Variants in TNS3 observed in about 807,000 individuals in gnomAD.
The protein encoded by TNS3 is tensin-3.
TNS3 carries 45 observed loss-of-function variants against 140.9 expected under a neutral mutation model. The ratio of observed to expected loss-of-function variants is 0.32; its 90% CI spans 0.25 to 0.41. The LOEUF is 0.41. TNS3 is among the 10% of genes least tolerant of loss of function. TNS3 has a pLI of 1.00. For missense variants in TNS3, 1,716 were observed against 1,906.7 expected (o/e 0.90, Z 1.86); for synonymous variants, 815 against 788.4 (o/e 1.03, Z -0.56).
At chr7:47,313,764 A>C (rs891755040) in intron 20 of TNS3, among the ~76,000 whole-genome samples, 2 of 152,218 alleles carry the variant, frequency 1.3e-5, no homozygotes, top group Non-Finnish European at 2.9e-5. Context: ...CCAAATGAGA[A>C]GAGGCTGAAG....
chr7:47,396,842 T>C lies in TNS3; in HGVS notation c.982A>G (p.Ile328Val), dbSNP rs1419880438. The C allele has an allele frequency of 6.2e-7, 1 of 1,614,186 alleles. No homozygotes were observed. The change falls in exon 16 of 31, where the codon ATA (isoleucine) becomes GTA (valine). Residue 328 changes from isoleucine to valine, a missense_variant. This residue lies in a region of TNS3 where 1,163 missense variants were observed against 1,182.1 expected (regional missense o/e 0.98). Transcript: ENST00000311160. ...AGGTTCTCGTACGAGTCCCAGCGTA[T>C]CAGTGGGTCTGTTGTGTTGTAGTCC... ...IVDYNTTDPL[I>V]RWDSYENLSA...
intron 20 of TNS3, among the ~76,000 whole-genome samples, chr7:47,317,371 A>G (rs956848830): frequency 6.6e-6 from 1 of 152,230 alleles, no homozygotes; most frequent in Admixed American, 6.5e-5. Context: ...TGTAGATGCA[A>G]TAGTTCATTA....
intron 1 of TNS3, among the ~76,000 whole-genome samples, chr7:47,558,247 AGCCGGT>A (rs1413779732): frequency 6.6e-6 from 1 of 152,234 alleles, no homozygotes; most frequent in Non-Finnish European, 1.5e-5. Flanking sequence ...AGCTACAGCA[AGCCGGT>A]GCCGAGGAGG....
chr7:47,351,094 A>G (rs1190770612), intron 17 of TNS3, among the ~76,000 whole-genome samples: 1 of 152,178 alleles, frequency 6.6e-6, no homozygotes, highest in Admixed American at 6.5e-5. Flanking sequence ...AATTAGGGAA[A>G]CAACACACAG....
At position 47,346,311 on chromosome 7, in the gene TNS3, C is replaced by T. The variant is rs1030675984; in HGVS notation, c.2327G>A (p.Ser776Asn). ...AGCATCGTTGTCGTACTGCCCCAGG[C>T]TCAGCTTCCTGAGTCTCCCGCCCAG... ...QPLGGRLRKL[S>N]LGQYDNDAGG... is the part of the protein sequence containing the mutation. Residue 776 changes from serine (S) to asparagine (N), a missense_variant, in exon 18 of 31, where the codon AGC becomes AAC. By Grantham distance (46) the Ser-to-Asn change is conservative (BLOSUM62 1). Coordinates refer to ENST00000311160, the MANE Select transcript of TNS3 (RefSeq NM_022748.12). 1.4e-5 allele frequency: 22 copies of T among 1,614,102 alleles called. No individual in the cohort carries two copies. In the Admixed American group the frequency reaches 3.0e-4, roughly 22 times the overall value.
chr7:47,358,582 C>T lies in TNS3; in HGVS notation c.2281+9783G>A, dbSNP rs140096830. The stretch of plus-strand genomic sequence containing the variant: ...CAGGCTGATGAACTGTGGGGAGCGA[C>T]GCAGCCGGTGACTTCTGGCAGAAGC... On this transcript the variant is annotated intron_variant, in intron 17 of 30. Transcript: ENST00000311160. Among the ~76,000 whole-genome samples, 1,383 of 152,300 alleles carry T rather than the reference C, an allele frequency of 9.1e-3. 11 individuals carry two copies. The highest frequency in any genetic ancestry group is 0.028 in the African/African-American group (1,164 of 41,562).
intron 4 of TNS3, among the ~76,000 whole-genome samples, chr7:47,464,292 T>C (rs1308250033): frequency 6.6e-6 from 1 of 152,174 alleles, no homozygotes; most frequent in Non-Finnish European, 1.5e-5. Flanking sequence ...ATCAGAATAT[T>C]TTCTGGAGCA....
chr7:47,287,739 T>C (rs936077300), intron 27 of TNS3, among the ~76,000 whole-genome samples: 3 of 152,196 alleles, frequency 2.0e-5, no homozygotes, highest in Non-Finnish European at 4.4e-5. Flanking sequence ...ACAGCAGACA[T>C]TCGCAGCTCT....
At chr7:47,287,963 A>G (rs958592570) in intron 27 of TNS3, among the ~76,000 whole-genome samples, 2 of 152,284 alleles carry the variant, frequency 1.3e-5, no homozygotes, top group Non-Finnish European at 2.9e-5. Context: ...CTTAAAAATG[A>G]TAAGTCAAGA....
chr7:47,413,956 C>G lies in TNS3; in HGVS notation c.628G>C (p.Val210Leu). The G allele has an allele frequency of 6.2e-7, 1 of 1,613,926 alleles. No individual in the cohort carries two copies. Among genetic ancestry groups the G allele is most frequent in the South Asian group, 1.1e-5 (1 of 91,058 alleles). ...ACTCACTAGATCCCGGAGGTGTACA[C>G]AGGCTGCATGGCTTGGTAGAGCTTC... The part of the protein sequence containing the change: ...FLKLYQAMQP[V>L]YTSGIYNVGP... Residue 210 changes from valine to leucine, a missense_variant, in exon 12 of 31, where the codon GTG becomes CTG. Around this residue, in one of 3 missense-constraint regions of TNS3, gnomAD observed 337 missense variants for 428.9 expected, o/e 0.79. Transcript: ENST00000311160.
At chr7:47,544,006 AT>A (rs1799859328) in intron 1 of TNS3, among the ~76,000 whole-genome samples, 1 of 152,214 alleles carries the variant, frequency 6.6e-6, no homozygotes, top group Non-Finnish European at 1.5e-5. Context: ...TAAATAAAAA[AT>A]GCTTTCCTTA....
intron 1 of TNS3, among the ~76,000 whole-genome samples, chr7:47,564,166 C>G (rs1800375037): frequency 6.9e-6 from 1 of 144,190 alleles, no homozygotes; most frequent in African/African-American, 2.6e-5. Context: ...TGCACTGCAG[C>G]CTGGGTGACA....
At chr7:47,446,615 C>A (rs1385173528) in intron 4 of TNS3, among the ~76,000 whole-genome samples, 3 of 150,202 alleles carry the variant, frequency 2.0e-5, no homozygotes, top group Non-Finnish European at 4.4e-5. Flanking sequence ...AAAAGGGAGG[C>A]CCAGGTAGAA....
At chr7:47,292,377 C>A (rs1470287015) in intron 26 of TNS3, among the ~76,000 whole-genome samples, 3 of 152,198 alleles carry the variant, frequency 2.0e-5, no homozygotes, top group Admixed American at 2.0e-4. Flanking sequence ...ACGGTCACAT[C>A]GCCCTGACAT....
At chr7:47,412,977 C>T (rs754781488) in intron 12 of TNS3, among the ~76,000 whole-genome samples, 1 of 151,902 alleles carries the variant, frequency 6.6e-6, no homozygotes, top group Non-Finnish European at 1.5e-5. Flanking sequence ...TTTTTTCAGA[C>T]CGAGTCTCGC....
intron 3 of TNS3, among the ~76,000 whole-genome samples, chr7:47,487,029 T>C (rs1797637127): frequency 6.6e-6 from 1 of 152,298 alleles, no homozygotes; most frequent in African/African-American, 2.4e-5. Flanking sequence ...CCGGGCGCAG[T>C]AGCTCAAACC....
intron 1 of TNS3, among the ~76,000 whole-genome samples, chr7:47,543,302 C>A (rs1176070326): frequency 2.0e-5 from 3 of 152,256 alleles, no homozygotes; most frequent in Non-Finnish European, 4.4e-5. Context: ...TCTCACCTAT[C>A]CAGCAAACAT....
intron 22 of TNS3, 146 bp downstream of exon 22, chr7:47,302,804 G>T: frequency 8.6e-7 from 1 of 1,168,960 alleles, no homozygotes; most frequent in Non-Finnish European, 1.2e-6. Flanking sequence ...CGAGGAAAAT[G>T]GAAAAGTACC....
chr7:47,475,256 A>G (rs1191756913), intron 4 of TNS3, among the ~76,000 whole-genome samples: 1 of 152,256 alleles, frequency 6.6e-6, no homozygotes, highest in Non-Finnish European at 1.5e-5. Context: ...GAACTAGCCC[A>G]CTGGCCTCGG....
Sources: allele counts gnomAD v4.1 joint callset (sites outside exome capture counted in the v4.1 genomes callset), GRCh38; gene constraint gnomAD v4.1.1; regional missense constraint gnomAD v4.1.1; transcripts MANE v1.5; gene names NCBI Gene and HGNC (gene_info 2026-07-23, HGNC 2026-07-21).